SPEF2: variants seen among roughly 807,000 people sequenced by gnomAD.
The protein encoded by SPEF2 is sperm flagella and cilia-associated protein 2.
SPEF2 carries 187 observed loss-of-function variants against 224.6 expected under a neutral mutation model. That is an observed-to-expected ratio of 0.83 (90% confidence interval 0.74 to 0.94). The LOEUF is 0.94. Among genes scored for constraint, SPEF2 ranks in the 40% least tolerant of loss-of-function variants. The pLI, the probability that SPEF2 is intolerant of heterozygous loss-of-function variation, is 0.00. For synonymous variants in SPEF2, 715 were observed against 707.3 expected (o/e 1.01, Z -0.17); for missense variants, 2,170 against 2,135.6 (o/e 1.02, Z -0.32).
At chr5:35,630,853 C>G (rs1745004707) in intron 2 of SPEF2, among the ~76,000 whole-genome samples, 1 of 152,118 alleles carries the variant, frequency 6.6e-6, no homozygotes. Flanking sequence ...CAAACAAGTT[C>G]CTCATCTCTG....
chr5:35,807,800 A>G (rs1758262117), intron 36 of SPEF2: 8 of 1,535,096 alleles, frequency 5.2e-6, no homozygotes, highest in Non-Finnish European at 7.0e-6. Context: ...GAAATCACAT[A>G]ACCACCAAGC....
chr5:35,751,056 CGTATATATAT>C lies in SPEF2; in HGVS notation c.3331-2557_3331-2548del, dbSNP rs754129506. Among the ~76,000 whole-genome samples, 23 of 28,600 alleles carry C rather than the reference CGTATATATAT, an allele frequency of 8.0e-4. 3 individuals are homozygous for C. The highest frequency in any genetic ancestry group is 6.1e-3 in the South Asian group (3 of 492). 18.8% of individuals were successfully genotyped at this position (28,600 alleles called of 152,430 possible). ...ATATACACATATGTATATATATATA[CGTATATATAT>C]GTATATATATATACACACACACACA... On this transcript the variant is annotated intron_variant, in intron 23 of 36. Transcript: ENST00000356031.
At chr5:35,712,391 G>T (rs561758998) in intron 19 of SPEF2, among the ~76,000 whole-genome samples, 214 of 152,126 alleles carry the variant, frequency 1.4e-3, no homozygotes, top group African/African-American at 4.9e-3. Context: ...CACTGTACCT[G>T]GCTTTGGCAT....
intron 23 of SPEF2, among the ~76,000 whole-genome samples, chr5:35,751,052 T>C (rs59706605): frequency 1.3e-3 from 72 of 57,336 alleles, no homozygotes; most frequent in African/African-American, 2.2e-3. Context: ...TGTATATATA[T>C]ATACGTATAT....
At chr5:35,738,662 C>T (rs1747073219) in intron 21 of SPEF2, among the ~76,000 whole-genome samples, 1 of 151,258 alleles carries the variant, frequency 6.6e-6, no homozygotes, top group Middle Eastern at 3.2e-3. Flanking sequence ...GGAAAGTTTG[C>T]TCAACTTTAA....
intron 10 of SPEF2, chr5:35,676,017 A>T (rs1023289610): frequency 4.4e-6 from 2 of 456,158 alleles, no homozygotes; most frequent in Non-Finnish European, 8.8e-6. Context: ...AAACCATGGT[A>T]GAAATTGTTG....
chr5:35,775,267 A>G (rs527942698), intron 28 of SPEF2, among the ~76,000 whole-genome samples: 3 of 150,752 alleles, frequency 2.0e-5, no homozygotes, highest in African/African-American at 7.3e-5. Context: ...TCAAAAAAAA[A>G]TGTGATATTG....
intron 20 of SPEF2, among the ~76,000 whole-genome samples, chr5:35,721,375 A>C (rs1283529426): frequency 6.6e-6 from 1 of 152,184 alleles, no homozygotes; most frequent in Non-Finnish European, 1.5e-5. Flanking sequence ...TTTTAACTTT[A>C]AGGTAAAGCT....
chr5:35,737,878 G>A (rs549726800), intron 21 of SPEF2, among the ~76,000 whole-genome samples: 3 of 152,204 alleles, frequency 2.0e-5, no homozygotes, highest in African/African-American at 7.2e-5. Context: ...AGCACCTGTT[G>A]TTTCCTGACT....
At chr5:35,686,229 ATC>A (rs1251236030) in intron 10 of SPEF2, among the ~76,000 whole-genome samples, 3 of 152,106 alleles carry the variant, frequency 2.0e-5, no homozygotes, top group African/African-American at 7.2e-5. Flanking sequence ...ATGATTTGAC[ATC>A]TCTGCACCGC....
intron 18 of SPEF2, among the ~76,000 whole-genome samples, chr5:35,707,657 A>G (rs9292606): frequency 0.52 from 78,572 of 151,866 alleles, 20,754 homozygotes; most frequent in Non-Finnish European, 0.55. Context: ...GTGCCAGGAA[A>G]GGTGAAACTG....
At chr5:35,756,923 A>C (rs964232327) in intron 24 of SPEF2, among the ~76,000 whole-genome samples, 1 of 152,144 alleles carries the variant, frequency 6.6e-6, no homozygotes, top group Non-Finnish European at 1.5e-5. Context: ...TTCTTCCCCA[A>C]CAAGGTACTC....
intron 36 of SPEF2, among the ~76,000 whole-genome samples, chr5:35,813,396 G>A (rs1053579999): frequency 2.0e-5 from 3 of 152,120 alleles, no homozygotes; most frequent in African/African-American, 4.8e-5. Context: ...GAAAACTGAG[G>A]TGGGAGGATT....
chr5:35,792,193 C>A, intron 30 of SPEF2, 147 bp from the exon 31 acceptor site: 5 of 489,060 alleles, frequency 1.0e-5, no homozygotes, highest in South Asian at 6.5e-5. Flanking sequence ...TTTATATTTC[C>A]AAAATGTCTT....
rs962074460 is a variant in SPEF2 at position 35,708,827 on chromosome 5, G to A, written c.2666-121G>A. 4.5e-6 allele frequency: 4 copies of A among 896,400 alleles called. No homozygotes were observed. In the African/African-American group the frequency reaches 5.1e-5, roughly 11 times the overall value. 55.5% of individuals were successfully genotyped at this position (896,400 alleles called of 1,614,324 possible). On this transcript the variant is annotated intron_variant, in intron 18 of 36. Transcript: ENST00000356031. ...AGATGATTTAAGGGAAAGCCCTAAAGCATGAATTAGCTTTAAATACGTAAG... is the reference window on the plus strand; with the variant it reads ...AGATGATTTAAGGGAAAGCCCTAAAACATGAATTAGCTTTAAATACGTAAG...
intron 30 of SPEF2, among the ~76,000 whole-genome samples, chr5:35,784,983 A>G (rs1754898409): frequency 6.6e-6 from 1 of 152,244 alleles, no homozygotes; most frequent in Admixed American, 6.5e-5. Context: ...GGATTTTTCC[A>G]GGCTTAGTGC....
intron 20 of SPEF2, among the ~76,000 whole-genome samples, chr5:35,721,010 C>T (rs1372020146): frequency 1.3e-5 from 2 of 152,062 alleles, no homozygotes; most frequent in Non-Finnish European, 2.9e-5. Flanking sequence ...GAAGCAAAAA[C>T]CTTTTATATC....
intron 24 of SPEF2, among the ~76,000 whole-genome samples, chr5:35,757,790 C>A (rs56006453): frequency 2.4e-3 from 358 of 152,222 alleles, no homozygotes; most frequent in African/African-American, 8.3e-3. Flanking sequence ...TTAAAAACTA[C>A]TTAAATATAT....
intron 5 of SPEF2, among the ~76,000 whole-genome samples, chr5:35,649,150 G>A (rs1747837104): frequency 6.6e-6 from 1 of 152,084 alleles, no homozygotes; most frequent in African/African-American, 2.4e-5. Flanking sequence ...TGATTCAGGG[G>A]AGGCAATTTT....
Sources: gnomAD v4.1 joint callset for allele counts (sites outside exome capture counted in the v4.1 genomes callset) on GRCh38, gnomAD v4.1.1 for gene constraint, MANE v1.5 for transcripts, NCBI Gene and HGNC (gene_info 2026-07-23, HGNC 2026-07-21) for gene names.